The following OTOF variants were observed in gnomAD, a reference collection of about 807,000 sequenced individuals.
OTOF encodes the protein fer-1-like family member 2.
A neutral mutation model predicts 236.8 loss-of-function variants in OTOF; 218 were observed. The ratio of observed to expected loss-of-function variants is 0.92; its 90% confidence interval spans 0.82 to 1.03. OTOF has a LOEUF of 1.03. Among genes scored for constraint, OTOF ranks in the 50% least tolerant of loss-of-function variants. OTOF has a pLI of 0.00. For missense variants in OTOF, 2,590 were observed against 2,694.4 expected (o/e 0.96, Z 0.86); for synonymous variants, 1,041 against 1,072.5 (o/e 0.97, Z 0.57).
chr2:26,523,526 G>C (rs34547318), intron 3 of OTOF, among the ~76,000 whole-genome samples: 6,870 of 152,216 alleles, frequency 0.045, 221 homozygotes, highest in Non-Finnish European at 0.066. Context: ...GCCTCTTTTA[G>C]CTCAATTTCC....
Position 26,476,138 on chromosome 2 carries a change from C to G in OTOF, c.2856G>C (p.Leu952=). 6.2e-7 allele frequency: 1 copy of G among 1,611,366 alleles called. No individual in the cohort carries two copies. Among genetic ancestry groups the G allele is most frequent in the African/African-American group, 1.3e-5 (1 of 74,984 alleles). ...GGGGTCCTCACTCACTGGTGTAGAC[C>G]AGGCTGACGGGTGGGAAGGCATGCA... ...LGLHAFPPVS[L]VYTKKQAFQL... Residue 952 remains leucine, a synonymous_variant, in exon 23 of 47, where the codon CTG becomes CTC. Transcript: ENST00000272371.
At chr2:26,485,414 G>T (rs554621663) in intron 11 of OTOF, among the ~76,000 whole-genome samples, 1 of 152,282 alleles carries the variant, frequency 6.6e-6, no homozygotes, top group Admixed American at 6.5e-5. Context: ...GTGCTGATCT[G>T]GGTATTGTTT....
At position 26,466,174 on chromosome 2, in the gene OTOF, C is replaced by A. The variant is rs140835091; in HGVS notation, c.4501-98G>T. 9,903 of 1,492,536 alleles carry A rather than the reference C, an allele frequency of 6.6e-3. 61 individuals carry two copies. Among genetic ancestry groups the A allele is most frequent in the Middle Eastern group, 0.02 (91 of 4,640 alleles). 92.5% of individuals were successfully genotyped at this position (1,492,536 alleles called of 1,614,324 possible). On this transcript the variant is annotated intron_variant, in intron 36 of 46. Coordinates refer to ENST00000272371, the MANE Select transcript of OTOF (RefSeq NM_194248.3). ...CTGAGGGTCCTATGACAGTGAAGGG[C>A]AGGGGCAGGAGCACTGGACCCCTCA... is the stretch of plus-strand genomic sequence containing the variant.
At chr2:26,471,822 ACACATGCACACATGCACATTTACATAC>A (rs1455249809) in intron 30 of OTOF, among the ~76,000 whole-genome samples, 1 of 150,434 alleles carries the variant, frequency 6.6e-6, no homozygotes, top group African/African-American at 2.5e-5. Flanking sequence ...CACCACATGC[ACACATGCACACATGCACATTTACATAC>A]CACATGCACA....
At chr2:26,479,035 G>A (rs1665442420) in intron 18 of OTOF, among the ~76,000 whole-genome samples, 1 of 152,236 alleles carries the variant, frequency 6.6e-6, no homozygotes, top group South Asian at 2.1e-4. Context: ...GAAAAATCAG[G>A]GAACCCAACA....
intron 9 of OTOF, among the ~76,000 whole-genome samples, chr2:26,491,542 A>G (rs997093291): frequency 6.6e-6 from 1 of 152,184 alleles, no homozygotes; most frequent in East Asian, 1.9e-4. Flanking sequence ...GAAGAAAAAC[A>G]AAGACAGAGT....
intron 46 of OTOF, among the ~76,000 whole-genome samples, chr2:26,459,368 C>T (rs1292896544): frequency 2.0e-5 from 3 of 152,026 alleles, no homozygotes; most frequent in South Asian, 2.1e-4. Context: ...CTGGCTAACA[C>T]AGTGAAACCC....
intron 2 of OTOF, among the ~76,000 whole-genome samples, chr2:26,536,223 C>T (rs1466868860): frequency 6.6e-6 from 1 of 152,164 alleles, no homozygotes; most frequent in Non-Finnish European, 1.5e-5. Context: ...TCCACTCTCA[C>T]CATAACCCTT....
chr2:26,546,485 A>C (rs1408942458), intron 1 of OTOF, among the ~76,000 whole-genome samples: 1 of 150,208 alleles, frequency 6.7e-6, no homozygotes, highest in African/African-American at 2.5e-5. Context: ...AAAAAAATCC[A>C]CATATAAGTG....
chr2:26,517,483 C>A (rs1021944750), intron 4 of OTOF, among the ~76,000 whole-genome samples: 4 of 152,234 alleles, frequency 2.6e-5, no homozygotes. Context: ...AACATTGCAA[C>A]CTACCTTACC....
chr2:26,523,023 C>A (rs753015173), intron 3 of OTOF, among the ~76,000 whole-genome samples: 1 of 152,236 alleles, frequency 6.6e-6, no homozygotes, highest in Non-Finnish European at 1.5e-5. Context: ...CACAATAGAG[C>A]GGCAACTGGG....
At chr2:26,558,019 A>G (rs977664685) in intron 1 of OTOF, among the ~76,000 whole-genome samples, 18 of 152,118 alleles carry the variant, frequency 1.2e-4, no homozygotes, top group African/African-American at 4.1e-4. Flanking sequence ...AAAGAAGCCA[A>G]CAGTGTCCCC....
rs1462177439 is a variant in OTOF at position 26,468,390 on chromosome 2, C to G, written c.4090+18G>C. 6.2e-7 allele frequency: 1 copy of G among 1,607,022 alleles called. No homozygotes were observed. Among genetic ancestry groups the G allele is most frequent in the African/African-American group, 1.3e-5 (1 of 74,748 alleles). Reference sequence around the variant, plus strand: ...GGGGCGGGGAGGAGGAGGCAGAGTTCCAGGTTCCAGGGCTCACCCTCGGTA... The same window carrying G: ...GGGGCGGGGAGGAGGAGGCAGAGTTGCAGGTTCCAGGGCTCACCCTCGGTA... On this transcript the variant is annotated intron_variant, in intron 33 of 46. Transcript: ENST00000272371.
In OTOF at chr2:26,477,624, C is replaced by G. The variant is rs749986107; in HGVS notation, c.2315+25G>C. The G allele has an allele frequency of 8.7e-6, 14 of 1,611,696 alleles. No individual in the cohort carries two copies. The African/African-American group carries it at 9.3e-5, about 11-fold the overall frequency. On this transcript the variant is annotated intron_variant, in intron 19 of 46. Coordinates refer to ENST00000272371, the MANE Select transcript of OTOF (RefSeq NM_194248.3). The surrounding 1 kb of genome is among the most constrained non-coding windows in gnomAD (Gnocchi z 4.7). ...TGTCCAGTTCCGCCTCATCCTCCCCCCACCTGCCGCCCCTCCCTTCTCACC... is the reference window on the plus strand; with the variant it reads ...TGTCCAGTTCCGCCTCATCCTCCCCGCACCTGCCGCCCCTCCCTTCTCACC...
chr2:26,537,832 G>A, intron 1 of OTOF, 58 bp from the exon 2 acceptor site: 1 of 1,254,890 alleles, frequency 8.0e-7, no homozygotes, highest in African/African-American at 1.5e-5. Flanking sequence ...ATGAGCATGG[G>A]GTCAGACCTC....
At chr2:26,556,213 C>T (rs901506934) in intron 1 of OTOF, among the ~76,000 whole-genome samples, 26 of 152,216 alleles carry the variant, frequency 1.7e-4, no homozygotes, top group African/African-American at 6.3e-4. Context: ...TCTCCCTCTG[C>T]GTGTTTACCA....
intron 5 of OTOF, 35 bp downstream of exon 5, chr2:26,516,383 G>A (rs1347466484): frequency 1.9e-6 from 3 of 1,598,350 alleles, no homozygotes; most frequent in Non-Finnish European, 2.6e-6. Flanking sequence ...CGTGTCTTGG[G>A]AGCAGTGGGC....
At chr2:26,484,884 C>G (rs537240107) in intron 11 of OTOF, among the ~76,000 whole-genome samples, 1 of 152,348 alleles carries the variant, frequency 6.6e-6, no homozygotes, top group East Asian at 1.9e-4. Flanking sequence ...GGAAGCACGA[C>G]AGCCTCCTCC....
intron 2 of OTOF, among the ~76,000 whole-genome samples, chr2:26,532,962 A>G (rs1002855545): frequency 6.6e-6 from 1 of 152,194 alleles, no homozygotes; most frequent in African/African-American, 2.4e-5. Context: ...ATGCACTACA[A>G]AGCTTTAGAG....
Sources: allele counts gnomAD v4.1 joint callset (sites outside exome capture counted in the v4.1 genomes callset), GRCh38; gene constraint gnomAD v4.1.1; non-coding constraint Gnocchi (gnomAD v3.1); transcripts MANE v1.5; gene names NCBI Gene and HGNC (gene_info 2026-07-23, HGNC 2026-07-21).